Variants in SNTG1 observed in about 807,000 individuals in gnomAD.
The protein encoded by SNTG1 is syntrophin gamma 1.
Under a neutral mutation model 74.7 loss-of-function variants are expected in SNTG1, and 39 were observed. The ratio of observed to expected loss-of-function variants is 0.52; its 90% CI spans 0.40 to 0.68. The LOEUF is 0.68. Ranked by LOEUF, SNTG1 falls within the 30% of genes least tolerant of loss-of-function variation. The pLI is 0.00. For missense variants in SNTG1, 685 were observed against 609.5 expected, an observed-to-expected ratio of 1.12 and a Z score of -1.30; for synonymous variants, 254 against 217.1, an observed-to-expected ratio of 1.17 and a Z score of -1.49.
chr8:50,447,578 G>A (rs75208413), intron 5 of SNTG1, among the ~76,000 whole-genome samples: 211 of 151,768 alleles, frequency 1.4e-3, no homozygotes, highest in African/African-American at 4.7e-3. Context: ...TGGAAAAGCC[G>A]TAGACTTCAT....
At chr8:50,777,430 ATATT>A (rs1323533664) in intron 18 of SNTG1, among the ~76,000 whole-genome samples, 1 of 150,050 alleles carries the variant, frequency 6.7e-6, no homozygotes, top group Non-Finnish European at 1.5e-5. Flanking sequence ...TTCTGTTATT[ATATT>A]TATCAGTTCT....
chr8:49,968,024 A>G (rs1457158906), intron 1 of SNTG1, among the ~76,000 whole-genome samples: 1 of 152,106 alleles, frequency 6.6e-6, no homozygotes, highest in African/African-American at 2.4e-5. Flanking sequence ...GAATCACCCT[A>G]TTCATCTTCC....
chr8:50,079,457 A>G (rs1474419531), intron 1 of SNTG1, among the ~76,000 whole-genome samples: 1 of 149,204 alleles, frequency 6.7e-6, no homozygotes, highest in Non-Finnish European at 1.5e-5. Context: ...TAGATTCTGG[A>G]TATTAGACCT....
rs4380953 is a variant in SNTG1 at position 50,400,437 on chromosome 8, T to C, written c.28-1773T>C. ...TTGATGGGCATTTAGGTTGATTTCA[T>C]ATCTTGGCTGTTGTGAATAGTGCTA... On this transcript the variant is annotated intron_variant, in intron 3 of 18. Coordinates refer to ENST00000642720, the MANE Select transcript of SNTG1 (RefSeq NM_018967.5). Among the ~76,000 whole-genome samples, 993 of 152,276 alleles carry C rather than the reference T, an allele frequency of 6.5e-3. 5 individuals carry two copies. Among genetic ancestry groups the C allele is most frequent in the Non-Finnish European group, 0.011 (766 of 67,996 alleles).
intron 1 of SNTG1, among the ~76,000 whole-genome samples, chr8:50,116,208 G>A (rs959193668): frequency 1.3e-5 from 2 of 152,070 alleles, no homozygotes; most frequent in African/African-American, 4.8e-5. Flanking sequence ...CAAATTTAGG[G>A]TGTCGGATTC....
chr8:50,237,326 C>T (rs962142867), intron 2 of SNTG1, among the ~76,000 whole-genome samples: 1 of 152,044 alleles, frequency 6.6e-6, no homozygotes, highest in Non-Finnish European at 1.5e-5. Context: ...ATTCGGGTTC[C>T]ATTATTTTTG....
chr8:50,471,471 G>A (rs2093654192), intron 8 of SNTG1, among the ~76,000 whole-genome samples: 1 of 152,066 alleles, frequency 6.6e-6, no homozygotes, highest in Non-Finnish European at 1.5e-5. Context: ...CATATCAAAT[G>A]CTGGCAAAGA....
Position 50,793,085 on chromosome 8 carries a change from A to G in SNTG1, c.*256A>G. The stretch of plus-strand genomic sequence containing the variant: ...ACCAGTAAGTGTATTGCTTTCACCA[A>G]AAGTGGAGACAAAAGAATAAATTAT... On this transcript the variant is annotated 3_prime_UTR_variant, in exon 19 of 19. Transcript: ENST00000642720. 3.1e-6 allele frequency: 1 copy of G among 323,470 alleles called. No homozygotes were observed. Among genetic ancestry groups the G allele is most frequent in the Non-Finnish European group, 5.6e-6 (1 of 179,486 alleles). 20.0% of individuals were successfully genotyped at this position (323,470 alleles called of 1,614,324 possible). A position where few individuals can be genotyped will look rare whatever the true frequency, so the allele number is the denominator to read the frequency against.
At chr8:50,537,450 T>C (rs540836467) in intron 11 of SNTG1, among the ~76,000 whole-genome samples, 2 of 152,336 alleles carry the variant, frequency 1.3e-5, no homozygotes, top group African/African-American at 2.4e-5. Context: ...TATATTATTA[T>C]CTATTTTAGT....
At chr8:50,251,844 A>G (rs148115563) in intron 2 of SNTG1, among the ~76,000 whole-genome samples, 33 of 152,202 alleles carry the variant, frequency 2.2e-4, no homozygotes, top group Admixed American at 1.4e-3. Context: ...GACTCAAACT[A>G]TACGATAGAT....
chr8:50,775,794 T>C lies in SNTG1; in HGVS notation c.1396-16877T>C, dbSNP rs145701028. 3.7e-3 allele frequency among the ~76,000 whole-genome samples: 560 copies of C among 151,796 alleles called. 4 individuals carry two copies. Among genetic ancestry groups the C allele is most frequent in the African/African-American group, 0.012 (519 of 41,544 alleles). ...CTGCATTACATACTTTGCATCTAAG[T>C]TATTTGATGCATACATATTTAGAGT... On this transcript the variant is annotated intron_variant, in intron 18 of 18. Transcript: ENST00000642720.
chr8:50,506,462 C>A (rs1344473895), intron 9 of SNTG1, among the ~76,000 whole-genome samples: 1 of 151,992 alleles, frequency 6.6e-6, no homozygotes, highest in South Asian at 2.1e-4. Context: ...AATATTAATT[C>A]TTCCAGTGTA....
rs1224324278 is a variant in SNTG1, at chr8:49,947,576, ATGT to A, written c.-103+35349_-103+35351del. On this transcript the variant is annotated intron_variant, in intron 1 of 18. Coordinates refer to ENST00000642720, the MANE Select transcript of SNTG1 (RefSeq NM_018967.5). ...TTAAATGTATTCTAATATCACAAAG[ATGT>A]TGTCTATGTAGATGAACATATTTGT... 5.3e-5 allele frequency among the ~76,000 whole-genome samples: 8 copies of A among 152,208 alleles called. No homozygotes were observed. The East Asian group carries it at 1.3e-3, about 26-fold the overall frequency.
chr8:50,206,079 A>G (rs1244811426), intron 2 of SNTG1, among the ~76,000 whole-genome samples: 5 of 152,116 alleles, frequency 3.3e-5, no homozygotes, highest in Non-Finnish European at 7.4e-5. Flanking sequence ...ATGAACTTTA[A>G]AGTAGTTTTT....
At chr8:49,999,524 C>T (rs1215135816) in intron 1 of SNTG1, among the ~76,000 whole-genome samples, 1 of 152,212 alleles carries the variant, frequency 6.6e-6, no homozygotes, top group Non-Finnish European at 1.5e-5. Flanking sequence ...ATCTCACTCT[C>T]CATGGCCTAT....
chr8:49,997,894 C>T (rs995704221), intron 1 of SNTG1, among the ~76,000 whole-genome samples: 2 of 152,122 alleles, frequency 1.3e-5, no homozygotes, highest in Non-Finnish European at 2.9e-5. Context: ...GAAGTCTAGA[C>T]GCATATACAG....
intron 1 of SNTG1, among the ~76,000 whole-genome samples, chr8:49,975,055 C>G (rs1193271955): frequency 6.6e-6 from 1 of 152,140 alleles, no homozygotes; most frequent in African/African-American, 2.4e-5. Context: ...GAAAAGCTGT[C>G]ATGTCCAAAC....
intron 1 of SNTG1, among the ~76,000 whole-genome samples, chr8:50,065,265 C>T (rs1257124049): frequency 6.6e-6 from 1 of 152,140 alleles, no homozygotes; most frequent in Non-Finnish European, 1.5e-5. Flanking sequence ...AAATGTCTTT[C>T]ACTAATGCCT....
At chr8:49,947,183 C>A (rs1809271247) in intron 1 of SNTG1, among the ~76,000 whole-genome samples, 1 of 152,092 alleles carries the variant, frequency 6.6e-6, no homozygotes, top group South Asian at 2.1e-4. Flanking sequence ...TGCTTGTAAT[C>A]CCAGCTACTT....
Sources: gnomAD v4.1 joint callset for allele counts (sites outside exome capture counted in the v4.1 genomes callset) on GRCh38, gnomAD v4.1.1 for gene constraint, MANE v1.5 for transcripts, NCBI Gene and HGNC (gene_info 2026-07-23, HGNC 2026-07-21) for gene names.